Variants in IFT140 observed in about 807,000 individuals in gnomAD.
The protein encoded by IFT140 is intraflagellar transport protein 140 homolog.
Under a neutral mutation model 164.6 loss-of-function variants are expected in IFT140, and 133 were observed. That is an observed-to-expected ratio of 0.81 (90% confidence interval 0.70 to 0.93). The LOEUF (loss-of-function observed/expected upper bound fraction) is 0.93. Ranked by LOEUF, IFT140 falls within the 40% of genes least tolerant of loss-of-function variation. The pLI, the probability that IFT140 is intolerant of heterozygous loss-of-function variation, is 0.00. For synonymous variants in IFT140, 860 were observed against 817.3 expected, an observed-to-expected ratio of 1.05 and a Z score of -0.89; for missense variants, 2,045 against 1,972.3, an observed-to-expected ratio of 1.04 and a Z score of -0.70.
rs2034315160 is a variant in IFT140 at position 1,577,032 on chromosome 16, C to T, written c.1524+3727G>A. ...AATGCACATCACATTAAAAAGTGAC[C>T]TCTCACGGTTCTAGAGGATTTTTCA... On this transcript the variant is annotated intron_variant, in intron 13 of 30. Coordinates refer to ENST00000426508, the MANE Select transcript of IFT140 (RefSeq NM_014714.4). 5 of 152,328 alleles carry T rather than the reference C, an allele frequency of 3.3e-5. No homozygotes were observed. In the South Asian group the frequency reaches 1.0e-3, roughly 32 times the overall value. 9.4% of individuals were successfully genotyped at this position (152,328 alleles called of 1,614,324 possible). A position where few individuals can be genotyped will look rare whatever the true frequency, so the allele number is the denominator to read the frequency against.
At chr16:1,568,645 G>C (rs2141600443) in intron 14 of IFT140, among the ~76,000 whole-genome samples, 1 of 152,242 alleles carries the variant, frequency 6.6e-6, no homozygotes, top group African/African-American at 2.4e-5. Flanking sequence ...ACTTTGGGAG[G>C]GTGAGGCAGG....
intron 13 of IFT140, among the ~76,000 whole-genome samples, chr16:1,573,029 G>A (rs1000225831): frequency 7.2e-5 from 11 of 152,198 alleles, no homozygotes; most frequent in Non-Finnish European, 1.2e-4. Flanking sequence ...AGAACTTAGT[G>A]GGCACGGAAA....
Position 1,523,942 on chromosome 16 carries a change from G to T in IFT140, c.3156C>A (p.Asp1052Glu). 1 of 1,612,336 alleles carries T rather than the reference G, an allele frequency of 6.2e-7. No homozygotes were observed. ...GCAGGGCCAAGTTCATGAGCTGGTCGTCCAGGCCGTTCTCCTGCAGGGAGG... is the reference window on the plus strand; with the variant it reads ...GCAGGGCCAAGTTCATGAGCTGGTCTTCCAGGCCGTTCTCCTGCAGGGAGG... Reference protein sequence around the residue: ...AIRLCKENGLDDQLMNLALLS... With the variant: ...AIRLCKENGLEDQLMNLALLS... The change falls in exon 25 of 31, where the codon GAC (aspartate) becomes GAA (glutamate). Residue 1052 changes from aspartate to glutamate, a missense_variant. Asp to Glu is a conservative substitution (Grantham distance 45). Coordinates refer to ENST00000426508, the MANE Select transcript of IFT140 (RefSeq NM_014714.4).
intron 19 of IFT140, chr16:1,554,859 A>T: frequency 6.2e-7 from 1 of 1,614,212 alleles, no homozygotes; most frequent in Non-Finnish European, 8.5e-7. Context: ...CTGCTACCTG[A>T]ACATTGGCGC....
Position 1,584,267 on chromosome 16 carries a change from C to A in IFT140, c.1309G>T (p.Ala437Ser), listed in dbSNP as rs373106880. 1 of 1,613,588 alleles carries A rather than the reference C, an allele frequency of 6.2e-7. No individual in the cohort carries two copies. Among genetic ancestry groups the A allele is most frequent in the African/African-American group, 1.3e-5 (1 of 74,908 alleles). The change falls in exon 11 of 31, where the codon GCA (alanine) becomes TCA (serine). Residue 437 changes from alanine (A) to serine (S), a missense_variant. Physicochemically the swap from Ala to Ser is moderately conservative, Grantham distance 99. Coordinates refer to ENST00000426508, the MANE Select transcript of IFT140 (RefSeq NM_014714.4). ...LNVCFLSTGV[A>S]HSLRTDMHIS... is the part of the protein sequence containing the mutation. ...TGCATGTCGGTGCGCAGGCTGTGTGCGACCCCCGTGGACAGGAAGCACACA... is the reference window on the plus strand; with the variant it reads ...TGCATGTCGGTGCGCAGGCTGTGTGAGACCCCCGTGGACAGGAAGCACACA...
In IFT140 at chr16:1,528,318, C is replaced by T. The variant is rs534701741; in HGVS notation, c.2400-1522G>A. Among the ~76,000 whole-genome samples, 6 of 119,118 alleles carry T rather than the reference C, an allele frequency of 5.0e-5. No individual in the cohort carries two copies. The East Asian group carries it at 9.2e-4, about 18-fold the overall frequency. 78.1% of individuals were successfully genotyped at this position (119,118 alleles called of 152,430 possible). On this transcript the variant is annotated intron_variant, in intron 19 of 30. Transcript: ENST00000426508. ...CCCACCAAAGCCACACACACACGCA[C>T]GCATGCACGCACGTGTGCACACACA...
At chr16:1,544,615 C>A (rs893845983) in intron 19 of IFT140, among the ~76,000 whole-genome samples, 2 of 152,102 alleles carry the variant, frequency 1.3e-5, no homozygotes, top group Non-Finnish European at 2.9e-5. Flanking sequence ...CAAACGTGTG[C>A]TACTGCGCCC....
At chr16:1,568,933 C>T (rs923583683) in intron 14 of IFT140, among the ~76,000 whole-genome samples, 1 of 152,142 alleles carries the variant, frequency 6.6e-6, no homozygotes, top group African/African-American at 2.4e-5. Context: ...AACTCGTCCC[C>T]TGCCAGTGAC....
rs745863942 is a variant in IFT140 at position 1,525,965 on chromosome 16, C to T, written c.2690G>A (p.Arg897His). 14 of 1,586,226 alleles carry T rather than the reference C, an allele frequency of 8.8e-6. No homozygotes were observed. Among genetic ancestry groups the T allele is most frequent in the Middle Eastern group, 1.8e-4 (1 of 5,708 alleles). Residue 897 changes from arginine to histidine, a missense_variant, in exon 21 of 31, where the codon CGC becomes CAC. Coordinates refer to ENST00000426508, the MANE Select transcript of IFT140 (RefSeq NM_014714.4). The part of the protein sequence containing the change: ...EALQVAEHHD[R>H]VHLRSTYHRY... ...GTGGTAGGTGCTGCGCAGGTGCACGCGATCGTGGTGCTCGGCTACCTGGAG... is the reference window on the plus strand; with the variant it reads ...GTGGTAGGTGCTGCGCAGGTGCACGTGATCGTGGTGCTCGGCTACCTGGAG...
rs142841417 is a variant in IFT140, at chr16:1,596,426, A to C, written c.370-3838T>G. ...AGCTGACCACTTAACCAGCATTCTC[A>C]ACATCATCAGACAGGCTGATGTCCA... On this transcript the variant is annotated intron_variant, in intron 4 of 30. Coordinates refer to ENST00000426508, the MANE Select transcript of IFT140 (RefSeq NM_014714.4). Among the ~76,000 whole-genome samples, 46 of 152,260 alleles carry C rather than the reference A, an allele frequency of 3.0e-4. No homozygotes were observed. In the East Asian group the frequency reaches 4.8e-3, roughly 16 times the overall value.
intron 30 of IFT140, 91 bp downstream of exon 30, chr16:1,518,125 G>A (rs768087032): frequency 1.7e-5 from 22 of 1,332,058 alleles, no homozygotes; most frequent in Admixed American, 3.9e-5. Context: ...GGAGTGAGCC[G>A]CCACACACAG....
In IFT140 at chr16:1,520,518, C is replaced by G. The variant is rs991413210; in HGVS notation, c.3660+84G>C. Reference sequence around the variant, plus strand: ...GCTCAGCCCTAGCTTGGGGTCATCACGAAGGCAAATGGAGATGCGTGCAGG... The same window carrying G: ...GCTCAGCCCTAGCTTGGGGTCATCAGGAAGGCAAATGGAGATGCGTGCAGG... On this transcript the variant is annotated intron_variant, in intron 27 of 30. Coordinates refer to ENST00000426508, the MANE Select transcript of IFT140 (RefSeq NM_014714.4). 6 of 1,436,866 alleles carry G rather than the reference C, an allele frequency of 4.2e-6. No individual in the cohort carries two copies. In the Admixed American group the frequency reaches 1.0e-4, roughly 25 times the overall value. The allele number at this position is 1,436,866 out of a possible 1,614,324, so 89.0% of individuals were successfully genotyped here.
Position 1,520,278 on chromosome 16 carries a change from C to T in IFT140, c.3726G>A (p.Arg1242=), listed in dbSNP as rs1023280480. 3.7e-6 allele frequency: 6 copies of T among 1,614,244 alleles called. No individual in the cohort carries two copies. Among genetic ancestry groups the T allele is most frequent in the Non-Finnish European group, 5.1e-6 (6 of 1,180,044 alleles). Residue 1242 remains arginine (R), a synonymous_variant, in exon 28 of 31, where the codon AGG becomes AGA. Coordinates refer to ENST00000426508, the MANE Select transcript of IFT140 (RefSeq NM_014714.4). ...EKITFFASVS[R]QKEIYIMAAN... is the part of the protein sequence containing the mutation. ...CAGCCATGATGTAGATTTCCTTCTG[C>T]CTGGACACGCTCGCGAAGAACGTGA...
intron 14 of IFT140, 128 bp from the exon 15 acceptor site, chr16:1,568,462 G>A (rs115117691): frequency 2.3e-5 from 17 of 735,800 alleles, no homozygotes; most frequent in African/African-American, 1.0e-4. Flanking sequence ...CCTGGGTGGC[G>A]CGTGTGCACC....
Position 1,524,513 on chromosome 16 carries a change from C to T in IFT140, c.3141+39G>A. 1.9e-6 allele frequency: 3 copies of T among 1,606,376 alleles called. No homozygotes were observed. The South Asian group carries it at 3.3e-5, about 18-fold the overall frequency. ...CCACTTGAAGCTCTCCTCAGGGGACCTCGAGAAGCGCCGGCTCCCCACCCC... is the reference window on the plus strand; with the variant it reads ...CCACTTGAAGCTCTCCTCAGGGGACTTCGAGAAGCGCCGGCTCCCCACCCC... On this transcript the variant is annotated intron_variant, in intron 24 of 30. Transcript: ENST00000426508.
chr16:1,605,034 A>T (rs543199551), intron 3 of IFT140, among the ~76,000 whole-genome samples: 1 of 152,252 alleles, frequency 6.6e-6, no homozygotes, highest in Non-Finnish European at 1.5e-5. Flanking sequence ...CCCTAAGCTT[A>T]CAGCTCAGAG....
intron 19 of IFT140, among the ~76,000 whole-genome samples, chr16:1,548,865 C>A (rs761798197): frequency 6.6e-6 from 1 of 152,250 alleles, no homozygotes; most frequent in Non-Finnish European, 1.5e-5. Flanking sequence ...TAGCTACAGG[C>A]GCCTCTGCAT....
At position 1,518,216 on chromosome 16, in the gene IFT140, C is replaced by A; in HGVS notation, c.4182G>T (p.Thr1394=). The A allele has an allele frequency of 6.2e-7, 1 of 1,611,436 alleles. No homozygotes were observed. The highest frequency in any genetic ancestry group is 8.5e-7 in the Non-Finnish European group (1 of 1,179,224). ...EHYVRKEEYQ[T]AYRFLEEMRR... ...CTAGTGAGCAGCACTCAGGCCTCAC[C>A]GTCTGGTATTCCTCCTTCCGCACGT... Residue 1394 remains threonine, a splice_region_variant and synonymous_variant, in exon 30 of 31, where the codon ACG becomes ACT. Transcript: ENST00000426508.
chr16:1,594,410 G>A (rs1051557340), intron 4 of IFT140, among the ~76,000 whole-genome samples: 1 of 151,958 alleles, frequency 6.6e-6, no homozygotes, highest in African/African-American at 2.4e-5. Context: ...CTGTACAGAT[G>A]GGGTCGCACT....
Sources: allele counts gnomAD v4.1 joint callset (sites outside exome capture counted in the v4.1 genomes callset), GRCh38; gene constraint gnomAD v4.1.1; transcripts MANE v1.5; gene names NCBI Gene and HGNC (gene_info 2026-07-23, HGNC 2026-07-21).